The following STAMBPL1 variants were observed in gnomAD, a reference collection of about 807,000 sequenced individuals.
STAMBPL1 encodes the protein AMSH-like protease.
In STAMBPL1, 44 loss-of-function variants were observed where a neutral mutation model predicts 52.9. The observed-to-expected ratio is 0.83, with a 90% confidence interval of 0.65 to 1.07. The LOEUF is 1.07. STAMBPL1 is among the 50% of genes least tolerant of loss of function. The pLI is 0.00. For synonymous variants in STAMBPL1, 164 were observed against 177.3 expected (o/e 0.92, Z 0.60); for missense variants, 511 against 520.8 (o/e 0.98, Z 0.18).
At chr10:88,913,676 A>T (rs1845290019) in intron 6 of STAMBPL1, among the ~76,000 whole-genome samples, 1 of 151,852 alleles carries the variant, frequency 6.6e-6, no homozygotes, top group Non-Finnish European at 1.5e-5. Context: ...TAGAGCAGAG[A>T]CTCTATAATA....
rs553239517 is a variant in STAMBPL1 at position 88,901,793 on chromosome 10, C to G, written c.30+55C>G. 4.7e-5 allele frequency: 72 copies of G among 1,531,194 alleles called. No individual in the cohort carries two copies. In the South Asian group the frequency reaches 8.0e-4, roughly 17 times the overall value. The allele number at this position is 1,531,194 out of a possible 1,614,324, so 94.9% of individuals were successfully genotyped here. A position where few individuals can be genotyped will look rare whatever the true frequency, so the allele number is the denominator to read the frequency against. On this transcript the variant is annotated intron_variant, in intron 2 of 10. Coordinates refer to ENST00000371926, the MANE Select transcript of STAMBPL1 (RefSeq NM_020799.4). ...TGGTTGGAAAGCCCAAAAAGAAGAA[C>G]AGAAACATACAAATGTGAAATGAGT...
At chr10:88,903,076 T>C (rs537894920) in intron 2 of STAMBPL1, among the ~76,000 whole-genome samples, 2 of 152,336 alleles carry the variant, frequency 1.3e-5, no homozygotes, top group East Asian at 3.9e-4. Flanking sequence ...TCTAGAACAT[T>C]ATATAACAAT....
chr10:88,893,568 C>T (rs1589356110), intron 1 of STAMBPL1, among the ~76,000 whole-genome samples: 2 of 152,050 alleles, frequency 1.3e-5, no homozygotes, highest in East Asian at 1.9e-4. Context: ...ATAGTGAAAC[C>T]CCGTCTCTAC....
At chr10:88,886,561 G>T (rs1844538954) in intron 1 of STAMBPL1, among the ~76,000 whole-genome samples, 1 of 151,962 alleles carries the variant, frequency 6.6e-6, no homozygotes, top group Non-Finnish European at 1.5e-5. Flanking sequence ...AGGTATAGTG[G>T]CATCACAGTA....
chr10:88,916,632 T>C (rs755807419), intron 7 of STAMBPL1, 48 bp from the exon 8 acceptor site: 8 of 1,550,204 alleles, frequency 5.2e-6, no homozygotes, highest in Non-Finnish European at 4.3e-6. Flanking sequence ...CAGTTATTTT[T>C]TTTTTTTCTG....
chr10:88,915,324 A>G (rs2133203927), intron 7 of STAMBPL1, among the ~76,000 whole-genome samples: 1 of 152,254 alleles, frequency 6.6e-6, no homozygotes, highest in East Asian at 1.9e-4. Context: ...GTCCAGGTAT[A>G]TTTTCAGTTC....
rs1052768359 is a variant in STAMBPL1, at chr10:88,916,789, A to G, written c.1013A>G (p.His338Arg). The part of the protein sequence containing the change: ...VEELFNVQDQ[H>R]DLLTLGWIHT... ...GAATTATTCAATGTTCAGGATCAAC[A>G]TGATCTCCTCACTCTAGGATGGATC... is the stretch of plus-strand genomic sequence containing the variant. Residue 338 changes from histidine (H) to arginine (R), a missense_variant, in exon 8 of 11, where the codon CAT becomes CGT. Transcript: ENST00000371926. 6.2e-7 allele frequency: 1 copy of G among 1,609,188 alleles called. No homozygotes were observed. The highest frequency in any genetic ancestry group is 1.3e-5 in the African/African-American group (1 of 74,686).
rs1359493678 is a variant in STAMBPL1 at position 88,907,036 on chromosome 10, G to T, written c.248+1376G>T. On this transcript the variant is annotated intron_variant, in intron 3 of 10. Coordinates refer to ENST00000371926, the MANE Select transcript of STAMBPL1 (RefSeq NM_020799.4). ...ATCTCACCCCCATCCTCAACTGCTG[G>T]AACTCTGATAGCTACCAGACTACTC... Among the ~76,000 whole-genome samples the T allele has an allele frequency of 2.0e-5, 3 of 151,366 alleles. No homozygotes were observed. In the East Asian group the frequency reaches 5.8e-4, roughly 29 times the overall value.
Position 88,914,473 on chromosome 10 carries a change from A to G in STAMBPL1, c.779-61A>G, listed in dbSNP as rs976386575. On this transcript the variant is annotated intron_variant, in intron 6 of 10. Transcript: ENST00000371926. ...CAACTGCAACTGTTTGCCAATAACA[A>G]TTTTGAAAGATGGGACATATAGTTT... 31 of 1,328,708 alleles carry G rather than the reference A, an allele frequency of 2.3e-5. No homozygotes were observed. In the African/African-American group the frequency reaches 3.0e-4, roughly 13 times the overall value. 82.3% of individuals were successfully genotyped at this position (1,328,708 alleles called of 1,614,324 possible).
intron 2 of STAMBPL1, among the ~76,000 whole-genome samples, chr10:88,904,847 T>C (rs1845032445): frequency 6.6e-6 from 1 of 151,870 alleles, no homozygotes; most frequent in South Asian, 2.1e-4. Flanking sequence ...ATTCTTTTTA[T>C]GTTAAAAAAA....
chr10:88,881,628 A>G lies in STAMBPL1; in HGVS notation c.-54+990A>G, dbSNP rs138073533. 9.2e-5 allele frequency among the ~76,000 whole-genome samples: 14 copies of G among 152,354 alleles called. No individual in the cohort carries two copies. The East Asian group carries it at 2.5e-3, about 27-fold the overall frequency. On this transcript the variant is annotated intron_variant, in intron 1 of 10. Transcript: ENST00000371926. ...ATGATTTAAGGCCCTGTCAAGGTCA[A>G]TAACGTAGATTTGTTCCAGCAGATA...
At position 88,913,477 on chromosome 10, in the gene STAMBPL1, C is replaced by A. The variant is rs760921037; in HGVS notation, c.778+19C>A. 3.2e-6 allele frequency: 5 copies of A among 1,582,704 alleles called. No individual in the cohort carries two copies. The East Asian group carries it at 1.1e-4, about 35-fold the overall frequency. On this transcript the variant is annotated intron_variant, in intron 6 of 10. Coordinates refer to ENST00000371926, the MANE Select transcript of STAMBPL1 (RefSeq NM_020799.4). The stretch of plus-strand genomic sequence containing the variant: ...GTTCAGAGTAAGTGATGAAATGCAC[C>A]CATGTGAGACACTGAGCCTCATCGG...
intron 8 of STAMBPL1, among the ~76,000 whole-genome samples, chr10:88,918,257 A>G (rs1022316318): frequency 4.6e-5 from 7 of 151,596 alleles, no homozygotes; most frequent in African/African-American, 1.7e-4. Context: ...TGCTTTATAG[A>G]GAAGCACTGG....
chr10:88,916,335 A>G (rs1020380758), intron 7 of STAMBPL1, among the ~76,000 whole-genome samples: 2 of 151,740 alleles, frequency 1.3e-5, no homozygotes, highest in African/African-American at 2.4e-5. Flanking sequence ...CAGTTTTTCC[A>G]TTATAGATAT....
chr10:88,912,034 TTCA>T (rs147632433), intron 5 of STAMBPL1, among the ~76,000 whole-genome samples: 1,743 of 152,290 alleles, frequency 0.011, 18 homozygotes, highest in South Asian at 0.042. Flanking sequence ...TACCAGTCAC[TTCA>T]TAGCCTACAG....
chr10:88,896,421 T>C (rs1172150797), intron 1 of STAMBPL1, among the ~76,000 whole-genome samples: 1 of 152,200 alleles, frequency 6.6e-6, no homozygotes, highest in African/African-American at 2.4e-5. Context: ...TTACCTCTCT[T>C]TATCTAAATC....
At chr10:88,914,991 T>C (rs1220608580) in intron 7 of STAMBPL1, among the ~76,000 whole-genome samples, 3 of 152,204 alleles carry the variant, frequency 2.0e-5, no homozygotes, top group Non-Finnish European at 2.9e-5. Context: ...ATTTTCATTG[T>C]AATTGTTAGT....
intron 9 of STAMBPL1, among the ~76,000 whole-genome samples, chr10:88,921,654 T>A (rs1356551260): frequency 6.6e-6 from 1 of 152,236 alleles, no homozygotes; most frequent in Non-Finnish European, 1.5e-5. Flanking sequence ...CTATCCCAGT[T>A]AGCCTTTTTA....
In STAMBPL1 at chr10:88,905,925, A is replaced by G. The variant is rs565745350; in HGVS notation, c.248+265A>G. Among the ~76,000 whole-genome samples, 12 of 152,278 alleles carry G rather than the reference A, an allele frequency of 7.9e-5. 1 individual carries two copies. The highest frequency in any genetic ancestry group is 4.1e-4 in the South Asian group (2 of 4,826). Reference sequence around the variant, plus strand: ...CAAGGCCAGCATAGTAATCTATTTAATACATGTTTCACTCTTCTTAAATAT... The same window carrying G: ...CAAGGCCAGCATAGTAATCTATTTAGTACATGTTTCACTCTTCTTAAATAT... On this transcript the variant is annotated intron_variant, in intron 3 of 10. Transcript: ENST00000371926.
Sources: gnomAD v4.1 joint callset for allele counts (sites outside exome capture counted in the v4.1 genomes callset) on GRCh38, gnomAD v4.1.1 for gene constraint, MANE v1.5 for transcripts, NCBI Gene and HGNC (gene_info 2026-07-23, HGNC 2026-07-21) for gene names.